NSMCE3: variants seen among roughly 807,000 people sequenced by gnomAD.
The protein encoded by NSMCE3 is non-structural maintenance of chromosomes element 3 homolog.
For synonymous variants in NSMCE3, 214 were observed against 172.2 expected (o/e 1.24, Z -1.90); for missense variants, 452 against 399.5 (o/e 1.13, Z -1.12).
Position 29,267,562 on chromosome 15 carries a change from T to C in NSMCE3, c.*1229A>G, listed in dbSNP as rs1014674170. 8 of 152,172 alleles carry C rather than the reference T, an allele frequency of 5.3e-5. No homozygotes were observed. The highest frequency in any genetic ancestry group is 2.1e-4 in the South Asian group (1 of 4,828). The allele number at this position is 152,172 out of a possible 1,614,324, so 9.4% of individuals were successfully genotyped here. ...CCCAAGACCCATACCCTTTTCCCTA[T>C]ACCTAACTCCCTAGGAGGTAGATCT... On this transcript the variant is annotated 3_prime_UTR_variant, in exon 1 of 1. Coordinates refer to ENST00000332303, the MANE Select transcript of NSMCE3 (RefSeq NM_138704.4).
chr15:29,269,215 T>C lies in NSMCE3; in HGVS notation c.491A>G (p.Asp164Gly). 1 of 1,614,094 alleles carries C rather than the reference T, an allele frequency of 6.2e-7. No homozygotes were observed. Among genetic ancestry groups the C allele is most frequent in the Non-Finnish European group, 8.5e-7 (1 of 1,179,990 alleles). The change falls in exon 1 of 1, where the codon GAT (aspartate) becomes GGT (glycine). Residue 164 changes from aspartate (D) to glycine (G), a missense_variant. Asp to Gly is a moderately conservative substitution (Grantham distance 94, BLOSUM62 -1). Transcript: ENST00000332303. ...LINTLEPVEE[D>G]AEMRGDQGTP... is the part of the protein sequence containing the mutation. ...GCCTTGGTCACCCCTCATCTCGGCA[T>C]CCTCCTCCACAGGCTCCAGGGTGTT...
In NSMCE3 at chr15:29,267,073, G is replaced by GT. The variant is rs2043495496; in HGVS notation, c.*1717dup. On this transcript the variant is annotated 3_prime_UTR_variant, in exon 1 of 1. Coordinates refer to ENST00000332303, the MANE Select transcript of NSMCE3 (RefSeq NM_138704.4). ...AAATGCAGATCAAGAAGAAATGCCT[G>GT]TAAGGGCCAAACATATTCCACTGAT... The GT allele has an allele frequency of 6.6e-6, 1 of 152,198 alleles. No individual in the cohort carries two copies. Among genetic ancestry groups the GT allele is most frequent in the African/African-American group, 2.4e-5 (1 of 41,442 alleles). The allele number at this position is 152,198 out of a possible 1,614,324, so 9.4% of individuals were successfully genotyped here. A position where few individuals can be genotyped will look rare whatever the true frequency, so the allele number is the denominator to read the frequency against.
At position 29,265,926 on chromosome 15, in the gene NSMCE3, T is replaced by C. The variant is rs975441657; in HGVS notation, c.*2865A>G. 1 of 152,202 alleles carries C rather than the reference T, an allele frequency of 6.6e-6. No homozygotes were observed. Among genetic ancestry groups the C allele is most frequent in the Non-Finnish European group, 1.5e-5 (1 of 68,030 alleles). 9.4% of individuals were successfully genotyped at this position (152,202 alleles called of 1,614,324 possible). ...AGGGAAAAAAGGCAGAAAACATATT[T>C]ACAATTTTAGGATTAGGGGAATTTT... On this transcript the variant is annotated 3_prime_UTR_variant, in exon 1 of 1. Transcript: ENST00000332303.
In NSMCE3 at chr15:29,266,890, G is replaced by A. The variant is rs1157755815; in HGVS notation, c.*1901C>T. ...AATTGCTAACACCTCTGAGAAAAGC[G>A]GGGGGAATTTTGCCTCAGATATAAC... On this transcript the variant is annotated 3_prime_UTR_variant, in exon 1 of 1. Transcript: ENST00000332303. The A allele has an allele frequency of 1.3e-5, 2 of 152,150 alleles. No homozygotes were observed. The highest frequency in any genetic ancestry group is 2.4e-5 in the African/African-American group (1 of 41,432). The allele number at this position is 152,150 out of a possible 1,614,324, so 9.4% of individuals were successfully genotyped here.
At position 29,269,259 on chromosome 15, in the gene NSMCE3, G is replaced by A. The variant is rs1231715348; in HGVS notation, c.447C>T (p.Ser149=). The A allele has an allele frequency of 6.2e-7, 1 of 1,614,138 alleles. No homozygotes were observed. The highest frequency in any genetic ancestry group is 8.5e-7 in the Non-Finnish European group (1 of 1,180,028). Residue 149 remains serine (S), a synonymous_variant, in exon 1 of 1, where the codon AGC becomes AGT. Coordinates refer to ENST00000332303, the MANE Select transcript of NSMCE3 (RefSeq NM_138704.4). ...GGGTGTTGATGAGGATGTAAGTGTT[G>A]CTCTTGGGTTCAAGTTCCACCAGCT... ...GYKLVELEPK[S]NTYILINTLE...
Position 29,269,605 on chromosome 15 carries a change from T to C in NSMCE3, c.101A>G (p.Glu34Gly). ...GCCGTCTCTGAGAACCCGGGCGTCT[T>C]CCCCGGCCCGCGAAGCCCCGGGGTT... ...SGNPGASRAG[E>G]DARVLRDGFA... Residue 34 changes from glutamate to glycine, a missense_variant, in exon 1 of 1, where the codon GAA (glutamate) becomes GGA (glycine). By Grantham distance (98) the Glu-to-Gly change is moderately conservative. Coordinates refer to ENST00000332303, the MANE Select transcript of NSMCE3 (RefSeq NM_138704.4). 1 of 1,560,946 alleles carries C rather than the reference T, an allele frequency of 6.4e-7. No homozygotes were observed. Among genetic ancestry groups the C allele is most frequent in the Non-Finnish European group, 8.6e-7 (1 of 1,157,862 alleles).
chr15:29,266,329 AAAAC>A lies in NSMCE3; in HGVS notation c.*2458_*2461del, dbSNP rs2043477626. The A allele has an allele frequency of 6.6e-6, 1 of 152,216 alleles. No individual in the cohort carries two copies. Among genetic ancestry groups the A allele is most frequent in the South Asian group, 2.1e-4 (1 of 4,826 alleles). The allele number at this position is 152,216 out of a possible 1,614,324, so 9.4% of individuals were successfully genotyped here. A position where few individuals can be genotyped will look rare whatever the true frequency, so the allele number is the denominator to read the frequency against. On this transcript the variant is annotated 3_prime_UTR_variant, in exon 1 of 1. Coordinates refer to ENST00000332303, the MANE Select transcript of NSMCE3 (RefSeq NM_138704.4). The stretch of plus-strand genomic sequence containing the variant: ...GTGAAGGTGGAGGGATTGGTAAACA[AAAAC>A]AAAACAAAACTGTATAAAATGTTGA...
Position 29,269,370 on chromosome 15 carries a change from C to G in NSMCE3, c.336G>C (p.Leu112=), listed in dbSNP as rs775871173. ...CCTTGTAGTCCCCGATGACGTGCTT[C>G]AGTATGTCGGCCCGCTTGATCGGAA... ...KKIPIKRADI[L]KHVIGDYKDI... is the part of the protein sequence containing the mutation. The change falls in exon 1 of 1, where the codon CTG becomes CTC. Residue 112 remains leucine, a synonymous_variant. Coordinates refer to ENST00000332303, the MANE Select transcript of NSMCE3 (RefSeq NM_138704.4). The G allele has an allele frequency of 4.3e-6, 7 of 1,614,184 alleles. No individual in the cohort carries two copies. The Admixed American group carries it at 1.2e-4, about 27-fold the overall frequency.
Position 29,268,960 on chromosome 15 carries a change from TG to T in NSMCE3, c.745del (p.Gln249SerfsTer13). The T allele has an allele frequency of 6.2e-7, 1 of 1,614,226 alleles. No individual in the cohort carries two copies. The highest frequency in any genetic ancestry group is 1.1e-5 in the South Asian group (1 of 91,088). On this transcript the variant is annotated frameshift_variant, in exon 1 of 1. Coordinates refer to ENST00000332303, the MANE Select transcript of NSMCE3 (RefSeq NM_138704.4). LOFTEE classifies it low-confidence loss of function (END_TRUNC). ...TTCCAGGTTGGTTCGCGGGCCCCAC[TG>T]GAATTCGTAGTCGACGGGGTCGGTG... ...PHTDPVDYEF[Q>X]WGPRTNLETS...
chr15:29,268,977 G>C lies in NSMCE3; in HGVS notation c.729C>G (p.Pro243=). The change falls in exon 1 of 1, where the codon CCC becomes CCG. Residue 243 remains proline (P), a synonymous_variant. Transcript: ENST00000332303. ...GGCCCCACTGGAATTCGTAGTCGACGGGGTCGGTGTGGGGTATCCGCCGGT... is the reference window on the plus strand; with the variant it reads ...GGCCCCACTGGAATTCGTAGTCGACCGGGTCGGTGTGGGGTATCCGCCGGT... ...LEYRRIPHTD[P]VDYEFQWGPR... 1.9e-6 allele frequency: 3 copies of C among 1,614,154 alleles called. No homozygotes were observed. The highest frequency in any genetic ancestry group is 2.5e-6 in the Non-Finnish European group (3 of 1,180,032).
At position 29,269,368 on chromosome 15, in the gene NSMCE3, T is replaced by C. The variant is rs371911165; in HGVS notation, c.338A>G (p.Lys113Arg). Residue 113 changes from lysine (K) to arginine (R), a missense_variant, in exon 1 of 1, where the codon AAG (lysine) becomes AGG (arginine). Lys to Arg is a conservative substitution (Grantham distance 26, BLOSUM62 2). Coordinates refer to ENST00000332303, the MANE Select transcript of NSMCE3 (RefSeq NM_138704.4). ...GTCCTTGTAGTCCCCGATGACGTGC[T>C]TCAGTATGTCGGCCCGCTTGATCGG... ...KIPIKRADIL[K>R]HVIGDYKDIF... 10 of 1,614,060 alleles carry C rather than the reference T, an allele frequency of 6.2e-6. No individual in the cohort carries two copies. The highest frequency in any genetic ancestry group is 8.5e-6 in the Non-Finnish European group (10 of 1,180,040).
Position 29,265,482 on chromosome 15 carries a change from T to A in NSMCE3, c.*3309A>T, listed in dbSNP as rs2043460410. The A allele has an allele frequency of 6.6e-6, 1 of 152,072 alleles. No individual in the cohort carries two copies. Among genetic ancestry groups the A allele is most frequent in the Non-Finnish European group, 1.5e-5 (1 of 68,032 alleles). 9.4% of individuals were successfully genotyped at this position (152,072 alleles called of 1,614,324 possible). On this transcript the variant is annotated 3_prime_UTR_variant, in exon 1 of 1. Transcript: ENST00000332303. ...GGCAAAACCCCGTCTCTACTAAAAG[T>A]ACAAAAATTAGCCGGACGTGGTGGC...
rs763694592 is a variant in NSMCE3 at position 29,269,229 on chromosome 15, C to G, written c.477G>C (p.Glu159Asp). 4 of 1,614,158 alleles carry G rather than the reference C, an allele frequency of 2.5e-6. No individual in the cohort carries two copies. The highest frequency in any genetic ancestry group is 3.4e-6 in the Non-Finnish European group (4 of 1,180,038). Residue 159 changes from glutamate (E) to aspartate (D), a missense_variant, in exon 1 of 1, where the codon GAG becomes GAC. Physicochemically the swap from Glu to Asp is conservative, Grantham distance 45. Transcript: ENST00000332303. ...SNTYILINTL[E>D]PVEEDAEMRG... ...TCATCTCGGCATCCTCCTCCACAGG[C>G]TCCAGGGTGTTGATGAGGATGTAAG... is the stretch of plus-strand genomic sequence containing the variant.
rs201005348 is a variant in NSMCE3 at position 29,269,599 on chromosome 15, G to A, written c.107C>T (p.Ala36Val). ...NPGASRAGED[A>V]RVLRDGFAEE... ...GGCAAAGCCGTCTCTGAGAACCCGG[G>A]CGTCTTCCCCGGCCCGCGAAGCCCC... The change falls in exon 1 of 1, where the codon GCC becomes GTC. Residue 36 changes from alanine to valine, a missense_variant. Ala to Val is a moderately conservative substitution (Grantham distance 64). Transcript: ENST00000332303. The A allele has an allele frequency of 5.1e-5, 79 of 1,556,224 alleles. No homozygotes were observed. Among genetic ancestry groups the A allele is most frequent in the Non-Finnish European group, 6.6e-5 (76 of 1,155,546 alleles).
rs370807257 is a variant in NSMCE3 at position 29,269,748 on chromosome 15, A to C, written c.-43T>G. ...CCGGCGCACACTCCGGTAGGCAAGC[A>C]GCCGCGGCGGGGATTGCGGGTCGGC... On this transcript the variant is annotated 5_prime_UTR_variant, in exon 1 of 1. Coordinates refer to ENST00000332303, the MANE Select transcript of NSMCE3 (RefSeq NM_138704.4). 188 of 1,430,380 alleles carry C rather than the reference A, an allele frequency of 1.3e-4. No homozygotes were observed. The highest frequency in any genetic ancestry group is 2.2e-5 in the Non-Finnish European group (24 of 1,096,816). 88.6% of individuals were successfully genotyped at this position (1,430,380 alleles called of 1,614,324 possible).
In NSMCE3 at chr15:29,267,639, T is replaced by C. The variant is rs983989295; in HGVS notation, c.*1152A>G. On this transcript the variant is annotated 3_prime_UTR_variant, in exon 1 of 1. Transcript: ENST00000332303. ...GGGCACACTCACCATACACGTTATA[T>C]TTCCCCATACAATAGAGTGAGACTA... 6.6e-6 allele frequency: 1 copy of C among 152,186 alleles called. No individual in the cohort carries two copies. The highest frequency in any genetic ancestry group is 2.4e-5 in the African/African-American group (1 of 41,442). The allele number at this position is 152,186 out of a possible 1,614,324, so 9.4% of individuals were successfully genotyped here. A position where few individuals can be genotyped will look rare whatever the true frequency, so the allele number is the denominator to read the frequency against.
rs2043503192 is a variant in NSMCE3 at position 29,267,401 on chromosome 15, A to G, written c.*1390T>C. The G allele has an allele frequency of 6.6e-6, 1 of 152,246 alleles. No homozygotes were observed. Among genetic ancestry groups the G allele is most frequent in the Non-Finnish European group, 1.5e-5 (1 of 68,046 alleles). The allele number at this position is 152,246 out of a possible 1,614,324, so 9.4% of individuals were successfully genotyped here. A position where few individuals can be genotyped will look rare whatever the true frequency, so the allele number is the denominator to read the frequency against. On this transcript the variant is annotated 3_prime_UTR_variant, in exon 1 of 1. Transcript: ENST00000332303. ...TGAACTCTTCTAGTTCATTTAGTGCATAAAACTATTATATAGCTATTATTT... is the reference window on the plus strand; with the variant it reads ...TGAACTCTTCTAGTTCATTTAGTGCGTAAAACTATTATATAGCTATTATTT...
chr15:29,269,386 T>C lies in NSMCE3; in HGVS notation c.320A>G (p.Lys107Arg). ...GACGTGCTTCAGTATGTCGGCCCGCTTGATCGGAATCTTCTTCTGGTCTTT... is the reference window on the plus strand; with the variant it reads ...GACGTGCTTCAGTATGTCGGCCCGCCTGATCGGAATCTTCTTCTGGTCTTT... Reference protein sequence around the residue: ...LIKDQKKIPIKRADILKHVIG... With the variant: ...LIKDQKKIPIRRADILKHVIG... The change falls in exon 1 of 1, where the codon AAG (lysine) becomes AGG (arginine). Residue 107 changes from lysine to arginine, a missense_variant. By Grantham distance (26) the Lys-to-Arg change is conservative. Transcript: ENST00000332303. 1.9e-6 allele frequency: 3 copies of C among 1,614,196 alleles called. No homozygotes were observed. The highest frequency in any genetic ancestry group is 2.5e-6 in the Non-Finnish European group (3 of 1,180,036).
Position 29,268,743 on chromosome 15 carries a change from C to T in NSMCE3, c.*48G>A. Reference sequence around the variant, plus strand: ...CCTTCCCCCAATCCTCTAAACTGTGCCTTTGGGTCTCAGACCCTTGTCCCG... The same window carrying T: ...CCTTCCCCCAATCCTCTAAACTGTGTCTTTGGGTCTCAGACCCTTGTCCCG... On this transcript the variant is annotated 3_prime_UTR_variant, in exon 1 of 1. Transcript: ENST00000332303. 3 of 1,543,568 alleles carry T rather than the reference C, an allele frequency of 1.9e-6. No individual in the cohort carries two copies. The highest frequency in any genetic ancestry group is 8.7e-7 in the Non-Finnish European group (1 of 1,146,068).
Sources: gnomAD v4.1 joint callset for allele counts on GRCh38, gnomAD v4.1.1 for gene constraint, MANE v1.5 for transcripts, NCBI Gene and HGNC (gene_info 2026-07-23, HGNC 2026-07-21) for gene names.